YIPF4: variants seen among roughly 807,000 people sequenced by gnomAD.
YIPF4 encodes protein YIPF4.
Under a neutral mutation model 29.4 loss-of-function variants are expected in YIPF4, and 18 were observed. The ratio of observed to expected loss-of-function variants is 0.61; its 90% confidence interval spans 0.42 to 0.91. The LOEUF (loss-of-function observed/expected upper bound fraction) is 0.91. YIPF4 is among the 40% of genes least tolerant of loss of function. The probability of loss-of-function intolerance (pLI) is 0.00; values close to 1 mark genes in which losing one functional copy is unlikely to be tolerated. For missense variants in YIPF4, 279 were observed against 282.7 expected (o/e 0.99, Z 0.09); for synonymous variants, 115 against 104.7 (o/e 1.10, Z -0.60).
chr2:32,286,171 T>C (rs568252502), intron 1 of YIPF4, among the ~76,000 whole-genome samples: 1 of 152,288 alleles, frequency 6.6e-6, no homozygotes, highest in South Asian at 2.1e-4. Context: ...TATAAACACA[T>C]ATACACACAC....
rs1387767073 is a variant in YIPF4 at position 32,314,121 on chromosome 2, A to C, written c.*8495A>C. ...GAATGTGCACAGTTAACATTATTCA[A>C]ATAGCCAAAAACGGGAACATGTCCA... is the stretch of plus-strand genomic sequence containing the variant. On this transcript the variant is annotated 3_prime_UTR_variant, in exon 6 of 6. Transcript: ENST00000238831. 1 of 152,240 alleles carries C rather than the reference A, an allele frequency of 6.6e-6. No homozygotes were observed. Among genetic ancestry groups the C allele is most frequent in the Non-Finnish European group, 1.5e-5 (1 of 68,044 alleles). 9.4% of individuals were successfully genotyped at this position (152,240 alleles called of 1,614,324 possible). A position where few individuals can be genotyped will look rare whatever the true frequency, so the allele number is the denominator to read the frequency against.
At chr2:32,280,121 A>G (rs2148956281) in intron 1 of YIPF4, among the ~76,000 whole-genome samples, 2 of 111,594 alleles carry the variant, frequency 1.8e-5, no homozygotes, top group South Asian at 5.1e-4. Context: ...TGCCCAGCTA[A>G]TATATATATA....
intron 5 of YIPF4, among the ~76,000 whole-genome samples, chr2:32,301,946 C>T (rs771392916): frequency 7.9e-5 from 12 of 152,232 alleles, no homozygotes; most frequent in Middle Eastern, 3.4e-3. Context: ...CTCAGGTGAT[C>T]TGCCTGCCTT....
intron 3 of YIPF4, among the ~76,000 whole-genome samples, chr2:32,293,583 C>T (rs1187968484): frequency 6.6e-6 from 1 of 152,254 alleles, no homozygotes; most frequent in Admixed American, 6.5e-5. Context: ...GTCATCGTGG[C>T]CCGTTCTCAA....
At chr2:32,302,489 A>G (rs1251358977) in intron 5 of YIPF4, among the ~76,000 whole-genome samples, 1 of 152,186 alleles carries the variant, frequency 6.6e-6, no homozygotes, top group Non-Finnish European at 1.5e-5. Flanking sequence ...ATCAAATATG[A>G]TAGATGTGGT....
At position 32,307,538 on chromosome 2, in the gene YIPF4, G is replaced by A. The variant is rs932013133; in HGVS notation, c.*1912G>A. 6.5e-6 allele frequency: 1 copy of A among 153,620 alleles called. No individual in the cohort carries two copies. Among genetic ancestry groups the A allele is most frequent in the Non-Finnish European group, 1.4e-5 (1 of 69,186 alleles). The allele number at this position is 153,620 out of a possible 1,614,324, so 9.5% of individuals were successfully genotyped here. On this transcript the variant is annotated 3_prime_UTR_variant, in exon 6 of 6. Coordinates refer to ENST00000238831, the MANE Select transcript of YIPF4 (RefSeq NM_032312.4). ...AATCTTGGGAACTATCTTACTTAGG[G>A]TTTCTATAAATACAAATTACAATGT...
chr2:32,305,722 A>C lies in YIPF4; in HGVS notation c.*96A>C. ...ATTGGAGAAAACCTGTTGCTGCAAA[A>C]TTTTACATGTTCCAGATGGAAAGGG... On this transcript the variant is annotated 3_prime_UTR_variant, in exon 6 of 6. Transcript: ENST00000238831. 7.6e-7 allele frequency: 1 copy of C among 1,311,092 alleles called. No homozygotes were observed. Among genetic ancestry groups the C allele is most frequent in the Non-Finnish European group, 9.7e-7 (1 of 1,028,880 alleles). 81.2% of individuals were successfully genotyped at this position (1,311,092 alleles called of 1,614,324 possible). A position where few individuals can be genotyped will look rare whatever the true frequency, so the allele number is the denominator to read the frequency against.
chr2:32,294,492 C>T (rs1440816350), intron 3 of YIPF4, among the ~76,000 whole-genome samples: 8 of 151,826 alleles, frequency 5.3e-5, no homozygotes, highest in South Asian at 2.1e-4. Flanking sequence ...AGACGCTCCT[C>T]GCTTCCTAGA....
chr2:32,306,292 A>C lies in YIPF4; in HGVS notation c.*666A>C. On this transcript the variant is annotated 3_prime_UTR_variant, in exon 6 of 6. Coordinates refer to ENST00000238831, the MANE Select transcript of YIPF4 (RefSeq NM_032312.4). Reference sequence around the variant, plus strand: ...TGATTTTTAATAGTTGCTGATATATATTTGGTTTGTTTGGGTATACTTTTC... The same window carrying C: ...TGATTTTTAATAGTTGCTGATATATCTTTGGTTTGTTTGGGTATACTTTTC... 1 of 983,648 alleles carries C rather than the reference A, an allele frequency of 1.0e-6. No homozygotes were observed. Among genetic ancestry groups the C allele is most frequent in the Non-Finnish European group, 1.2e-6 (1 of 828,018 alleles). The allele number at this position is 983,648 out of a possible 1,614,324, so 60.9% of individuals were successfully genotyped here. A position where few individuals can be genotyped will look rare whatever the true frequency, so the allele number is the denominator to read the frequency against.
rs772109577 is a variant in YIPF4 at position 32,306,903 on chromosome 2, A to C, written c.*1277A>C. 6.9e-6 allele frequency: 2 copies of C among 289,506 alleles called. No individual in the cohort carries two copies. The highest frequency in any genetic ancestry group is 1.3e-5 in the Non-Finnish European group (2 of 149,784). 17.9% of individuals were successfully genotyped at this position (289,506 alleles called of 1,614,324 possible). ...GCGACCTCTTGGTATGTATTTCTTT[A>C]GCAAACTTACCCATCAGGAAATATC... On this transcript the variant is annotated 3_prime_UTR_variant, in exon 6 of 6. Coordinates refer to ENST00000238831, the MANE Select transcript of YIPF4 (RefSeq NM_032312.4).
chr2:32,299,485 A>G (rs1388823675), intron 4 of YIPF4, among the ~76,000 whole-genome samples: 2 of 152,312 alleles, frequency 1.3e-5, no homozygotes, highest in East Asian at 3.9e-4. Context: ...GAGTATTTTA[A>G]TAACCTTTTC....
intron 2 of YIPF4, among the ~76,000 whole-genome samples, chr2:32,291,586 C>T (rs897472842): frequency 6.6e-6 from 1 of 152,046 alleles, no homozygotes; most frequent in Admixed American, 6.6e-5. Flanking sequence ...ATCTAAGACA[C>T]TATTGATTAT....
chr2:32,311,610 AT>A lies in YIPF4; in HGVS notation c.*5988del, dbSNP rs1161243163. ...ATGAAAAAGAATATTTGTGTAAAAT[AT>A]TTTGAAGTTGTAATTAGTGTATATA... is the stretch of plus-strand genomic sequence containing the variant. On this transcript the variant is annotated 3_prime_UTR_variant, in exon 6 of 6. Coordinates refer to ENST00000238831, the MANE Select transcript of YIPF4 (RefSeq NM_032312.4). The A allele has an allele frequency of 6.6e-6, 1 of 152,220 alleles. No individual in the cohort carries two copies. The highest frequency in any genetic ancestry group is 1.5e-5 in the Non-Finnish European group (1 of 68,034). 9.4% of individuals were successfully genotyped at this position (152,220 alleles called of 1,614,324 possible). A position where few individuals can be genotyped will look rare whatever the true frequency, so the allele number is the denominator to read the frequency against.
rs1001445933 is a variant in YIPF4 at position 32,316,582 on chromosome 2, G to T, written c.*10956G>T. ...AGTACAACACTAAAATTAATAAATT[G>T]TGTAAATTCTAATATGGATTAATTT... On this transcript the variant is annotated 3_prime_UTR_variant, in exon 6 of 6. Coordinates refer to ENST00000238831, the MANE Select transcript of YIPF4 (RefSeq NM_032312.4). The T allele has an allele frequency of 2.0e-5, 3 of 152,108 alleles. No homozygotes were observed. The highest frequency in any genetic ancestry group is 4.4e-5 in the Non-Finnish European group (3 of 68,008). 9.4% of individuals were successfully genotyped at this position (152,108 alleles called of 1,614,324 possible). A position where few individuals can be genotyped will look rare whatever the true frequency, so the allele number is the denominator to read the frequency against.
rs916070222 is a variant in YIPF4 at position 32,314,490 on chromosome 2, A to C, written c.*8864A>C. On this transcript the variant is annotated 3_prime_UTR_variant, in exon 6 of 6. Transcript: ENST00000238831. Reference sequence around the variant, plus strand: ...GGAGTTTGAGACCAGCCTGACCAACATGGAGAAACCCCATCTCTACTAAAA... The same window carrying C: ...GGAGTTTGAGACCAGCCTGACCAACCTGGAGAAACCCCATCTCTACTAAAA... The C allele has an allele frequency of 1.3e-5, 2 of 152,192 alleles. No homozygotes were observed. Among genetic ancestry groups the C allele is most frequent in the African/African-American group, 2.4e-5 (1 of 41,442 alleles). 9.4% of individuals were successfully genotyped at this position (152,192 alleles called of 1,614,324 possible).
At chr2:32,302,313 G>A (rs2031434323) in intron 5 of YIPF4, among the ~76,000 whole-genome samples, 1 of 152,060 alleles carries the variant, frequency 6.6e-6, no homozygotes, top group Non-Finnish European at 1.5e-5. Flanking sequence ...ACAAGCGTGA[G>A]CCACTGCTCC....
chr2:32,281,371 A>T (rs764982924), intron 1 of YIPF4, among the ~76,000 whole-genome samples: 6 of 152,064 alleles, frequency 3.9e-5, no homozygotes, highest in Middle Eastern at 3.4e-3. Context: ...CCTCCTGAGT[A>T]ACTGGGACTA....
intron 3 of YIPF4, among the ~76,000 whole-genome samples, chr2:32,294,592 C>G (rs927032695): frequency 1.4e-5 from 2 of 142,026 alleles, no homozygotes; most frequent in Non-Finnish European, 3.0e-5. Context: ...ACTGGGCAGC[C>G]AGGCAGAGGG....
Position 32,277,942 on chromosome 2 carries a change from T to C in YIPF4, c.-214T>C. On this transcript the variant is annotated 5_prime_UTR_variant, in exon 1 of 6. Coordinates refer to ENST00000238831, the MANE Select transcript of YIPF4 (RefSeq NM_032312.4). ...TCCTGTCAGGGTGCCGGCGTCGTGG[T>C]GCTTGGGTGGTCGCCACCAAGAAGA... The C allele has an allele frequency of 1.9e-6, 1 of 531,284 alleles. No homozygotes were observed. The highest frequency in any genetic ancestry group is 3.3e-6 in the Non-Finnish European group (1 of 302,722). The allele number at this position is 531,284 out of a possible 1,614,324, so 32.9% of individuals were successfully genotyped here. A position where few individuals can be genotyped will look rare whatever the true frequency, so the allele number is the denominator to read the frequency against.
Sources: gnomAD v4.1 joint callset for allele counts (sites outside exome capture counted in the v4.1 genomes callset) on GRCh38, gnomAD v4.1.1 for gene constraint, MANE v1.5 for transcripts, NCBI Gene and HGNC (gene_info 2026-07-23, HGNC 2026-07-21) for gene names.